The following KANK3 variants were observed in gnomAD, a reference collection of about 807,000 sequenced individuals.
The protein encoded by KANK3 is KN motif and ankyrin repeat domain-containing protein 3.
KANK3 carries 61 observed loss-of-function variants against 65.4 expected under a neutral mutation model. The observed-to-expected ratio is 0.93, with a 90% CI of 0.76 to 1.15. The LOEUF (loss-of-function observed/expected upper bound fraction) is 1.15, where lower values mean the gene tolerates loss of function less well. Among genes scored for constraint, KANK3 ranks in the 50% most tolerant of loss-of-function variants. KANK3 has a pLI of 0.00. For missense variants in KANK3, 1,187 were observed against 1,178.8 expected, an observed-to-expected ratio of 1.01 and a Z score of -0.10; for synonymous variants, 586 against 543.3, an observed-to-expected ratio of 1.08 and a Z score of -1.09.
chr19:8,322,889 G>A lies in KANK3; in HGVS notation c.2416C>T (p.Pro806Ser), dbSNP rs765774941. The A allele has an allele frequency of 5.7e-6, 9 of 1,568,404 alleles. No individual in the cohort carries two copies. The highest frequency in any genetic ancestry group is 7.8e-6 in the Non-Finnish European group (9 of 1,157,736). The part of the protein sequence containing the change: ...ESPPGSQTAT[P>S]GEGECGDNGE... ...TTGTCACCGCATTCTCCTTCACCAG[G>A]TGTGGCTGTCTGGGAGCCAGGGGGT... The change falls in exon 11 of 11, where the codon CCT becomes TCT. Residue 806 changes from proline (P) to serine (S), a missense_variant. Transcript: ENST00000330915.
chr19:8,326,641 A>T (rs966285404), intron 7 of KANK3, among the ~76,000 whole-genome samples: 1 of 151,148 alleles, frequency 6.6e-6, no homozygotes, highest in African/African-American at 2.4e-5. Context: ...CAAAAAAAAA[A>T]AAAAAATTAG....
chr19:8,323,012 C>A, intron 10 of KANK3, 90 bp from the exon 11 acceptor site: 2 of 729,730 alleles, frequency 2.7e-6, no homozygotes, highest in Non-Finnish European at 4.3e-6. Context: ...AGTGGAGGTT[C>A]TTTTACCATG....
intron 1 of KANK3, among the ~76,000 whole-genome samples, chr19:8,338,885 AAAAAAAAAAAAAAAG>A (rs1397372315): frequency 2.0e-5 from 3 of 148,974 alleles, no homozygotes; most frequent in Admixed American, 6.8e-5. Flanking sequence ...AAAAAAAAAA[AAAAAAAAAAAAAAAG>A]GATGTAATTG....
intron 1 of KANK3, among the ~76,000 whole-genome samples, chr19:8,339,235 T>C (rs1369839303): frequency 1.3e-5 from 2 of 148,900 alleles, no homozygotes; most frequent in Non-Finnish European, 2.9e-5. Flanking sequence ...AAATATTGAA[T>C]CCAGAACTTT....
At chr19:8,332,256 C>A (rs1367659767) in intron 7 of KANK3, among the ~76,000 whole-genome samples, 1 of 152,036 alleles carries the variant, frequency 6.6e-6, no homozygotes, top group Non-Finnish European at 1.5e-5. Flanking sequence ...CAGCTCACTG[C>A]AACCTCTGCC....
rs1404924340 is a variant in KANK3 at position 8,334,458 on chromosome 19, G to A, written c.1328-39C>T. The A allele has an allele frequency of 9.3e-6, 15 of 1,611,052 alleles. No homozygotes were observed. The East Asian group carries it at 1.8e-4, about 19-fold the overall frequency. ...GATGAGGGCACTGAGTTCGAGTCCG[G>A]CGCCGAGTAAGCCAGGGCCCAGCGA... On this transcript the variant is annotated intron_variant, in intron 3 of 10. Transcript: ENST00000330915.
At chr19:8,334,153 C>CT in intron 4 of KANK3, 37 bp from the exon 5 acceptor site, 1 of 1,490,722 alleles carries the variant, frequency 6.7e-7, no homozygotes, top group Non-Finnish European at 8.9e-7. Context: ...TAAACCTCCC[C>CT]TGTGGGCTCG....
intron 1 of KANK3, among the ~76,000 whole-genome samples, chr19:8,342,618 T>G (rs1970735048): frequency 7.0e-6 from 1 of 142,198 alleles, no homozygotes; most frequent in Non-Finnish European, 1.5e-5. Context: ...GAGGGCGCCT[T>G]CCAGGAGGCC....
rs1599636727 is a variant in KANK3, at chr19:8,322,654, A to T, written c.*185T>A. 3 of 599,176 alleles carry T rather than the reference A, an allele frequency of 5.0e-6. No individual in the cohort carries two copies. Among genetic ancestry groups the T allele is most frequent in the Admixed American group, 3.0e-5 (1 of 33,338 alleles). 37.1% of individuals were successfully genotyped at this position (599,176 alleles called of 1,614,324 possible). ...ATCAGGGCTCTATCACTTGGTCCCC[A>T]CCTCACCTTGGTGGGGCCAGAGTGA... On this transcript the variant is annotated 3_prime_UTR_variant, in exon 11 of 11. Coordinates refer to ENST00000330915, the MANE Select transcript of KANK3 (RefSeq NM_198471.3).
At chr19:8,341,302 C>T (rs1970721093) in intron 1 of KANK3, among the ~76,000 whole-genome samples, 1 of 150,232 alleles carries the variant, frequency 6.7e-6, no homozygotes, top group Non-Finnish European at 1.5e-5. Flanking sequence ...GATCATAGCT[C>T]ACTGTGGCCT....
intron 1 of KANK3, among the ~76,000 whole-genome samples, chr19:8,342,341 G>C (rs1385127957): frequency 6.6e-6 from 1 of 152,136 alleles, no homozygotes; most frequent in East Asian, 1.9e-4. Context: ...TCTGATTGGG[G>C]GCGGAGGTGC....
chr19:8,326,214 G>C (rs1970424445), intron 7 of KANK3, among the ~76,000 whole-genome samples: 1 of 151,922 alleles, frequency 6.6e-6, no homozygotes, highest in Non-Finnish European at 1.5e-5. Flanking sequence ...TTGATCACTT[G>C]AGGTCAGGAG....
intron 7 of KANK3, among the ~76,000 whole-genome samples, chr19:8,329,506 A>AAAAAG (rs1970488447): frequency 6.6e-6 from 1 of 151,350 alleles, no homozygotes. Flanking sequence ...AAAAAAAAAA[A>AAAAAG]AAAAAAAAAA....
Position 8,339,323 on chromosome 19 carries a change from A to T in KANK3, c.-28-1467T>A, listed in dbSNP as rs191533460. Among the ~76,000 whole-genome samples, 25 of 150,846 alleles carry T rather than the reference A, an allele frequency of 1.7e-4. 1 individual carries two copies. In the East Asian group the frequency reaches 4.7e-3, roughly 28 times the overall value. ...GGATCGCTTGAGCCTAGGAGTCAAG[A>T]CCCACCTGCGCAACATAGCGAGACC... On this transcript the variant is annotated intron_variant, in intron 1 of 10. Coordinates refer to ENST00000330915, the MANE Select transcript of KANK3 (RefSeq NM_198471.3).
Position 8,334,315 on chromosome 19 carries a change from C to T in KANK3, c.1427+5G>A. The T allele has an allele frequency of 6.2e-7, 1 of 1,613,992 alleles. No individual in the cohort carries two copies. The highest frequency in any genetic ancestry group is 8.5e-7 in the Non-Finnish European group (1 of 1,179,982). ...AAGCTGCCACAGGAGGGGAAAGGCG[C>T]TCACTCTCCGTTGAGGACCCCAACA... On this transcript the variant is annotated splice_donor_5th_base_variant and intron_variant, in intron 4 of 10. Transcript: ENST00000330915.
Position 8,333,507 on chromosome 19 carries a change from C to T in KANK3, c.1719+217G>A, listed in dbSNP as rs903721748. Among the ~76,000 whole-genome samples, 4 of 152,186 alleles carry T rather than the reference C, an allele frequency of 2.6e-5. No homozygotes were observed. The highest frequency in any genetic ancestry group is 2.6e-4 in the Admixed American group (4 of 15,276). Reference sequence around the variant, plus strand: ...CGGGGAAAGGCAATGAACGCTTGCCCTTGGGGAGTCCGGGAGTGGGGCTGG... The same window carrying T: ...CGGGGAAAGGCAATGAACGCTTGCCTTTGGGGAGTCCGGGAGTGGGGCTGG... On this transcript the variant is annotated intron_variant, in intron 6 of 10. Transcript: ENST00000330915. This position sits in a 1 kb window ranked among gnomAD's most constrained non-coding sequence, Gnocchi z 5.0.
chr19:8,326,864 A>C (rs1275098650), intron 7 of KANK3, among the ~76,000 whole-genome samples: 1 of 152,110 alleles, frequency 6.6e-6, no homozygotes, highest in African/African-American at 2.4e-5. Flanking sequence ...TGTTTGAAGC[A>C]GCTCACAGTG....
chr19:8,342,524 G>A (rs754978885), intron 1 of KANK3, among the ~76,000 whole-genome samples: 2 of 152,274 alleles, frequency 1.3e-5, no homozygotes, highest in South Asian at 4.1e-4. Context: ...CCGCCCCAGG[G>A]ACTATTTTGG....
At chr19:8,338,274 G>A (rs1970676582) in intron 1 of KANK3, among the ~76,000 whole-genome samples, 1 of 151,760 alleles carries the variant, frequency 6.6e-6, no homozygotes. Flanking sequence ...CGCCTGCCTC[G>A]ACCTCCCAAA....
Sources: allele counts gnomAD v4.1 joint callset (sites outside exome capture counted in the v4.1 genomes callset), GRCh38; gene constraint gnomAD v4.1.1; non-coding constraint Gnocchi (gnomAD v3.1); transcripts MANE v1.5; gene names NCBI Gene and HGNC (gene_info 2026-07-23, HGNC 2026-07-21).